Variants in VEZT observed in about 807,000 individuals in gnomAD.
The protein encoded by VEZT is vezatin.
A neutral mutation model predicts 79.9 loss-of-function variants in VEZT; 39 were observed. The ratio of observed to expected loss-of-function variants is 0.49; its 90% CI spans 0.38 to 0.64. The LOEUF (loss-of-function observed/expected upper bound fraction) is 0.64, where lower values mean the gene tolerates loss of function less well. Among genes scored for constraint, VEZT ranks in the 30% least tolerant of loss-of-function variants. The probability of loss-of-function intolerance (pLI) is 0.00; values close to 1 mark genes in which losing one functional copy is unlikely to be tolerated. For synonymous variants in VEZT, 325 were observed against 327.6 expected, an observed-to-expected ratio of 0.99 and a Z score of 0.09; for missense variants, 837 against 893.1, an observed-to-expected ratio of 0.94 and a Z score of 0.80.
intron 4 of VEZT, among the ~76,000 whole-genome samples, chr12:95,265,004 A>G (rs1180902561): frequency 4.0e-5 from 6 of 150,454 alleles, no homozygotes; most frequent in Non-Finnish European, 8.9e-5. Context: ...GGGACTACGG[A>G]TGCATGCAAC....
At chr12:95,243,255 G>A (rs1004367033) in intron 1 of VEZT, among the ~76,000 whole-genome samples, 3 of 150,992 alleles carry the variant, frequency 2.0e-5, no homozygotes, top group Non-Finnish European at 4.4e-5. Flanking sequence ...CATGCCTGTG[G>A]TCCCAGCTAC....
At chr12:95,275,036 CTG>C (rs2067362369) in intron 7 of VEZT, 147 bp downstream of exon 7, 1 of 981,074 alleles carries the variant, frequency 1.0e-6, no homozygotes, top group South Asian at 2.7e-5. Context: ...GTTTGTAACT[CTG>C]TCTTTAAGAG....
intron 3 of VEZT, among the ~76,000 whole-genome samples, chr12:95,258,928 T>A (rs1402079852): frequency 6.6e-6 from 1 of 152,192 alleles, no homozygotes; most frequent in African/African-American, 2.4e-5. Context: ...TCATAACCTT[T>A]CATTTCATCC....
intron 2 of VEZT, among the ~76,000 whole-genome samples, chr12:95,255,120 A>C (rs1326323620): frequency 6.6e-6 from 1 of 152,066 alleles, no homozygotes; most frequent in Non-Finnish European, 1.5e-5. Context: ...GCTCAGATTC[A>C]ACTTGTCTAA....
At chr12:95,223,490 G>C (rs892540593) in intron 1 of VEZT, among the ~76,000 whole-genome samples, 1 of 152,002 alleles carries the variant, frequency 6.6e-6, no homozygotes, top group African/African-American at 2.4e-5. Flanking sequence ...TAGCCTTGTC[G>C]CCCAGGCTGG....
At chr12:95,262,002 C>T (rs919592873) in intron 3 of VEZT, among the ~76,000 whole-genome samples, 5 of 152,204 alleles carry the variant, frequency 3.3e-5, no homozygotes, top group South Asian at 2.1e-4. Flanking sequence ...CATCTAATAT[C>T]GACGACTCAC....
chr12:95,235,271 C>T (rs2059892981), intron 1 of VEZT, among the ~76,000 whole-genome samples: 1 of 64,594 alleles, frequency 1.5e-5, no homozygotes, highest in African/African-American at 1.4e-4. Flanking sequence ...GACAGGGCGG[C>T]TGGCCGGGCG....
intron 2 of VEZT, among the ~76,000 whole-genome samples, chr12:95,256,125 C>T (rs113241658): frequency 0.11 from 17,169 of 152,060 alleles, 1,263 homozygotes; most frequent in East Asian, 0.16. Context: ...GATCTCGGCT[C>T]ACCACAACCT....
chr12:95,226,729 A>G (rs1397476117), intron 1 of VEZT, among the ~76,000 whole-genome samples: 3 of 152,208 alleles, frequency 2.0e-5, no homozygotes, highest in African/African-American at 4.8e-5. Context: ...AGATGATAAT[A>G]TAAGAGAAGG....
intron 1 of VEZT, among the ~76,000 whole-genome samples, chr12:95,250,070 T>TA (rs397825505): frequency 1.3e-5 from 2 of 149,672 alleles, no homozygotes; most frequent in Admixed American, 6.7e-5. Context: ...CTTTTTTTTT[T>TA]AATTATTATT....
chr12:95,218,184 CG>C (rs5800194), intron 1 of VEZT: 17 of 276,216 alleles, frequency 6.2e-5, no homozygotes, highest in East Asian at 5.2e-4. Flanking sequence ...GGATGTGCGG[CG>C]GGGGGGACTG....
intron 1 of VEZT, among the ~76,000 whole-genome samples, chr12:95,232,159 T>A (rs1021228640): frequency 6.6e-5 from 10 of 152,232 alleles, no homozygotes; most frequent in Non-Finnish European, 1.3e-4. Flanking sequence ...CTTTAAGCTA[T>A]ATTCAAAGAT....
At chr12:95,247,565 T>A (rs1314226325) in intron 1 of VEZT, among the ~76,000 whole-genome samples, 1 of 152,164 alleles carries the variant, frequency 6.6e-6, no homozygotes, top group Non-Finnish European at 1.5e-5. Flanking sequence ...AAGTTTTTTT[T>A]AAATTTTAGT....
intron 1 of VEZT, 61 bp downstream of exon 1, chr12:95,217,947 C>A: frequency 7.0e-7 from 1 of 1,432,462 alleles, no homozygotes. Flanking sequence ...AGACGGAAAT[C>A]GAGGAAGCAA....
intron 7 of VEZT, among the ~76,000 whole-genome samples, chr12:95,280,464 A>C: frequency 9.8e-6 from 1 of 102,100 alleles, no homozygotes; most frequent in Non-Finnish European, 1.9e-5. Context: ...CCCCTTTCAT[A>C]TGTGTACACA....
intron 1 of VEZT, among the ~76,000 whole-genome samples, chr12:95,247,166 AG>A (rs907003347): frequency 6.6e-6 from 1 of 152,226 alleles, no homozygotes; most frequent in Non-Finnish European, 1.5e-5. Flanking sequence ...GTGTATACAG[AG>A]TACAAAAAGC....
At position 95,301,883 on chromosome 12, in the gene VEZT, T is replaced by C. The variant is rs1340577827; in HGVS notation, c.*1210T>C. On this transcript the variant is annotated 3_prime_UTR_variant, in exon 12 of 12. Transcript: ENST00000436874. ...ATTTACTTATACCAAAGGGGATTTT[T>C]TTTCTTTCAGGAATCTAAGGAAATT... The C allele has an allele frequency of 1.3e-5, 2 of 152,196 alleles. No individual in the cohort carries two copies. The highest frequency in any genetic ancestry group is 1.9e-4 in the East Asian group (1 of 5,196). The allele number at this position is 152,196 out of a possible 1,614,324, so 9.4% of individuals were successfully genotyped here.
intron 1 of VEZT, among the ~76,000 whole-genome samples, chr12:95,233,775 A>G (rs1349360869): frequency 6.6e-6 from 1 of 152,176 alleles, no homozygotes; most frequent in East Asian, 1.9e-4. Context: ...GTATATATAT[A>G]TATGTGTGTG....
chr12:95,286,364 T>C (rs912901086), intron 8 of VEZT: 3 of 481,786 alleles, frequency 6.2e-6, no homozygotes, highest in Non-Finnish European at 1.2e-5. Flanking sequence ...GCAATTTCAA[T>C]TTGAGGATAC....
Sources: allele counts gnomAD v4.1 joint callset (sites outside exome capture counted in the v4.1 genomes callset), GRCh38; gene constraint gnomAD v4.1.1; transcripts MANE v1.5; gene names NCBI Gene and HGNC (gene_info 2026-07-23, HGNC 2026-07-21).